TCEA2: variants seen among roughly 807,000 people sequenced by gnomAD.
TCEA2 encodes the protein transcription elongation factor A2.
Under a neutral mutation model 40.8 loss-of-function variants are expected in TCEA2, and 21 were observed. That is an observed-to-expected ratio of 0.51 (90% CI 0.36 to 0.74). The LOEUF is 0.74. Ranked by LOEUF, TCEA2 falls within the 30% of genes least tolerant of loss-of-function variation. The pLI, the probability that TCEA2 is intolerant of heterozygous loss-of-function variation, is 0.00. For missense variants in TCEA2, 326 were observed against 426.5 expected (o/e 0.76, Z 2.08); for synonymous variants, 165 against 162.7 (o/e 1.01, Z -0.11).
chr20:64,067,789 TGCTTGTACGG>T (rs1283353071), intron 3 of TCEA2, among the ~76,000 whole-genome samples: 1 of 151,986 alleles, frequency 6.6e-6, no homozygotes, highest in Non-Finnish European at 1.5e-5. Context: ...TGTGAGTGGG[TGCTTGTACGG>T]GAAAGGGTTC....
At chr20:64,071,176 C>G (rs1379009454) in intron 8 of TCEA2, among the ~76,000 whole-genome samples, 1 of 151,804 alleles carries the variant, frequency 6.6e-6, no homozygotes, top group Non-Finnish European at 1.5e-5. Flanking sequence ...GGTGAAACCC[C>G]GTCTCTACTA....
intron 1 of TCEA2, among the ~76,000 whole-genome samples, chr20:64,065,154 G>T (rs1039927203): frequency 1.3e-5 from 2 of 152,118 alleles, no homozygotes; most frequent in Admixed American, 6.5e-5. Context: ...TTTGCCTCTG[G>T]ACCTGAGCCC....
chr20:64,067,512 T>TC (rs1464856051), intron 3 of TCEA2, among the ~76,000 whole-genome samples: 1 of 152,024 alleles, frequency 6.6e-6, no homozygotes, highest in Admixed American at 6.5e-5. Flanking sequence ...GGCTGCCTCT[T>TC]CCTGGAGACA....
chr20:64,067,328 T>C (rs1031999797), intron 3 of TCEA2, among the ~76,000 whole-genome samples: 2 of 152,046 alleles, frequency 1.3e-5, no homozygotes, highest in Non-Finnish European at 2.9e-5. Flanking sequence ...ACTGAGAGAC[T>C]GGGGTGAGTT....
chr20:64,072,053 T>C, intron 9 of TCEA2, 112 bp downstream of exon 9: 1 of 1,595,068 alleles, frequency 6.3e-7, no homozygotes. Flanking sequence ...CCAACCAGCC[T>C]CCTGGGAGTC....
chr20:64,065,259 G>T (rs372961114), intron 1 of TCEA2, among the ~76,000 whole-genome samples: 1 of 152,198 alleles, frequency 6.6e-6, no homozygotes, highest in South Asian at 2.1e-4. Context: ...AGCCCAAGAG[G>T]CAGGGCCTGC....
intron 1 of TCEA2, among the ~76,000 whole-genome samples, chr20:64,064,850 A>T (rs566396155): frequency 3.7e-4 from 56 of 151,972 alleles, no homozygotes; most frequent in African/African-American, 1.2e-3. Flanking sequence ...AGCTGTTTCC[A>T]GAGATGACCC....
At chr20:64,070,018 TG>T in intron 6 of TCEA2, 197 bp downstream of exon 6, 1 of 880,228 alleles carries the variant, frequency 1.1e-6, no homozygotes, top group Non-Finnish European at 1.8e-6. Flanking sequence ...TGATTCTGTC[TG>T]CTTGTGGGGC....
intron 2 of TCEA2, 39 bp from the exon 3 acceptor site, chr20:64,066,876 G>A: frequency 6.3e-7 from 1 of 1,592,898 alleles, no homozygotes; most frequent in Middle Eastern, 1.7e-4. Context: ...CCCTAGGGTG[G>A]GCCCCTGCCT....
At position 64,068,093 on chromosome 20, in the gene TCEA2, G is replaced by A. The variant is rs1313385992; in HGVS notation, c.288G>A (p.Leu96=). The stretch of plus-strand genomic sequence containing the variant: ...GGGAGCGGGGGAGGGGCATGCCTCT[G>A]CCCACGTCCTCGAGGGATGCCTCAG... ...KARERGRGMP[L]PTSSRDASEA... is the part of the protein sequence containing the mutation. The change falls in exon 4 of 10, where the codon CTG becomes CTA. Residue 96 remains leucine, a synonymous_variant. Coordinates refer to ENST00000343484, the MANE Select transcript of TCEA2 (RefSeq NM_003195.6). 1.2e-6 allele frequency: 2 copies of A among 1,609,530 alleles called. No homozygotes were observed. Among genetic ancestry groups the A allele is most frequent in the Admixed American group, 1.7e-5 (1 of 59,528 alleles).
Position 64,070,463 on chromosome 20 carries a change from G to A in TCEA2, c.673-26G>A. 3 of 1,613,622 alleles carry A rather than the reference G, an allele frequency of 1.9e-6. No homozygotes were observed. In the South Asian group the frequency reaches 3.3e-5, roughly 18 times the overall value. On this transcript the variant is annotated intron_variant, in intron 7 of 9. Coordinates refer to ENST00000343484, the MANE Select transcript of TCEA2 (RefSeq NM_003195.6). The stretch of plus-strand genomic sequence containing the variant: ...GAGGGCTGCTCCCTCGGAGCGGTGG[G>A]CTAAGCCACTGGCCCCGTGCTCCAG...
At chr20:64,064,540 G>A (rs1423598035) in intron 1 of TCEA2, among the ~76,000 whole-genome samples, 1 of 152,204 alleles carries the variant, frequency 6.6e-6, no homozygotes, top group Non-Finnish European at 1.5e-5. Flanking sequence ...AACTCCTGGG[G>A]CAGGGCCAGC....
At chr20:64,067,961 C>G in intron 3 of TCEA2, 86 bp from the exon 4 acceptor site, 2 of 1,024,874 alleles carry the variant, frequency 2.0e-6, no homozygotes, top group South Asian at 1.8e-5. Context: ...TGTTGGTGGT[C>G]GGGCTGAGGC....
At chr20:64,069,547 G>T in intron 5 of TCEA2, 56 bp downstream of exon 5, 2 of 1,589,938 alleles carry the variant, frequency 1.3e-6, no homozygotes, top group South Asian at 1.1e-5. Context: ...GGGTGGCCCG[G>T]GCCCCTGCCT....
In TCEA2 at chr20:64,070,220, A is replaced by G. The variant is rs368788199; in HGVS notation, c.518-40A>G. The G allele has an allele frequency of 9.3e-6, 15 of 1,607,028 alleles. No individual in the cohort carries two copies. In the African/African-American group the frequency reaches 1.3e-4, roughly 14 times the overall value. Reference sequence around the variant, plus strand: ...GCGGGGCAGGTGGTAGGTGGAGGGCAGCGACGTTGTCCTCAGGTGGGTCCT... The same window carrying G: ...GCGGGGCAGGTGGTAGGTGGAGGGCGGCGACGTTGTCCTCAGGTGGGTCCT... On this transcript the variant is annotated intron_variant, in intron 6 of 9. Transcript: ENST00000343484.
exon 1 of TCEA2, chr20:64,057,428 C>T (rs1019000635): frequency 2.0e-5 from 3 of 152,292 alleles, no homozygotes; most frequent in Admixed American, 6.5e-5. Flanking sequence ...AGGCTCCCGC[C>T]TGCGTGTGTG....
rs1486283099 is a variant in TCEA2 at position 64,071,937 on chromosome 20, G to C, written c.887G>C (p.Trp296Ser). ...GTCTGCAACGAGTGTGGAAACCGCT[G>C]GAAGGTGGGTGAGCAGGCTCAGGCT... is the stretch of plus-strand genomic sequence containing the variant. ...FVVCNECGNR[W>S]KFC The change falls in exon 9 of 10, where the codon TGG becomes TCG. Residue 296 changes from tryptophan to serine, a missense_variant. Physicochemically the swap from Trp to Ser is radical, Grantham distance 177. Coordinates refer to ENST00000343484, the MANE Select transcript of TCEA2 (RefSeq NM_003195.6). The C allele has an allele frequency of 6.2e-7, 1 of 1,614,044 alleles. No homozygotes were observed. Among genetic ancestry groups the C allele is most frequent in the Non-Finnish European group, 8.5e-7 (1 of 1,180,044 alleles).
At chr20:64,064,724 C>T (rs781550867) in intron 1 of TCEA2, among the ~76,000 whole-genome samples, 2 of 152,108 alleles carry the variant, frequency 1.3e-5, no homozygotes, top group Non-Finnish European at 2.9e-5. Context: ...CTGGGGTCTG[C>T]CCTGGGAAGG....
At chr20:64,071,499 C>T (rs1406290747) in intron 8 of TCEA2, among the ~76,000 whole-genome samples, 1 of 152,206 alleles carries the variant, frequency 6.6e-6, no homozygotes, top group Non-Finnish European at 1.5e-5. Flanking sequence ...TGCTCCCAGC[C>T]ACTGGTCAGA....
Sources: gnomAD v4.1 joint callset for allele counts (sites outside exome capture counted in the v4.1 genomes callset) on GRCh38, gnomAD v4.1.1 for gene constraint, MANE v1.5 for transcripts, NCBI Gene and HGNC (gene_info 2026-07-23, HGNC 2026-07-21) for gene names.